The following VWC2L variants were observed in gnomAD, a reference collection of about 807,000 sequenced individuals.
VWC2L encodes von Willebrand factor C domain containing 2 like, also known as von Willebrand factor C domain-containing protein 2-like.
VWC2L carries 10 observed loss-of-function variants against 21.6 expected under a neutral mutation model. That is an observed-to-expected ratio of 0.46 (90% CI 0.29 to 0.78). The LOEUF is 0.78. Ranked by LOEUF, VWC2L falls within the 30% of genes least tolerant of loss-of-function variation. The probability of loss-of-function intolerance (pLI) is 0.10; values close to 1 mark genes in which losing one functional copy is unlikely to be tolerated. For synonymous variants in VWC2L, 96 were observed against 94.3 expected, an observed-to-expected ratio of 1.02 and a Z score of -0.10; for missense variants, 209 against 277.1, an observed-to-expected ratio of 0.75 and a Z score of 1.74.
At chr2:214,416,076 C>T (rs1238452625) in intron 2 of VWC2L, among the ~76,000 whole-genome samples, 2 of 151,982 alleles carry the variant, frequency 1.3e-5, no homozygotes, top group Admixed American at 1.3e-4. Context: ...CTTTTCTAAC[C>T]TGCATTTATA....
At chr2:214,493,094 T>C (rs2126201952) in intron 3 of VWC2L, among the ~76,000 whole-genome samples, 2 of 152,340 alleles carry the variant, frequency 1.3e-5, no homozygotes, top group South Asian at 4.1e-4. Flanking sequence ...CCTGCATATG[T>C]GAATCTGTCA....
intron 3 of VWC2L, among the ~76,000 whole-genome samples, chr2:214,520,866 TA>T (rs1208119082): frequency 6.6e-6 from 1 of 152,138 alleles, no homozygotes; most frequent in African/African-American, 2.4e-5. Flanking sequence ...GGTGGTAGAA[TA>T]ACAGATCAGT....
intron 3 of VWC2L, among the ~76,000 whole-genome samples, chr2:214,544,828 T>C (rs539082637): frequency 3.9e-5 from 6 of 152,308 alleles, no homozygotes; most frequent in Non-Finnish European, 7.3e-5. Flanking sequence ...GTAGATGCTA[T>C]TATTGTCCCA....
intron 3 of VWC2L, among the ~76,000 whole-genome samples, chr2:214,513,716 T>C (rs910560284): frequency 6.6e-6 from 1 of 152,210 alleles, no homozygotes; most frequent in African/African-American, 2.4e-5. Flanking sequence ...CTCTCCTTCA[T>C]AGAATAAATG....
At chr2:214,573,610 A>G (rs755489627) in intron 3 of VWC2L, among the ~76,000 whole-genome samples, 7 of 152,164 alleles carry the variant, frequency 4.6e-5, no homozygotes, top group Non-Finnish European at 1.0e-4. Flanking sequence ...TCTGTCAACA[A>G]CGGCCCCAGG....
intron 3 of VWC2L, among the ~76,000 whole-genome samples, chr2:214,486,357 A>G (rs955211848): frequency 2.2e-4 from 33 of 152,248 alleles, no homozygotes; most frequent in Admixed American, 2.0e-4. Flanking sequence ...CATGTGTAAC[A>G]GCGTGTTCTT....
intron 3 of VWC2L, among the ~76,000 whole-genome samples, chr2:214,575,244 C>A (rs1690211162): frequency 6.6e-6 from 1 of 152,042 alleles, no homozygotes; most frequent in African/African-American, 2.4e-5. Context: ...GTCTCATACC[C>A]ACCACAGGAA....
intron 3 of VWC2L, among the ~76,000 whole-genome samples, chr2:214,541,608 G>C (rs1254984694): frequency 6.6e-6 from 1 of 152,172 alleles, no homozygotes; most frequent in African/African-American, 2.4e-5. Flanking sequence ...GGCTAGGGTA[G>C]TTTTCATTTT....
chr2:214,524,236 TCA>T (rs766915765), intron 3 of VWC2L, among the ~76,000 whole-genome samples: 14 of 152,210 alleles, frequency 9.2e-5, no homozygotes, highest in Non-Finnish European at 1.9e-4. Flanking sequence ...TGCCAACCTC[TCA>T]GTTTTCTGTT....
chr2:214,518,876 T>A (rs7587988), intron 3 of VWC2L, among the ~76,000 whole-genome samples: 25,241 of 152,168 alleles, frequency 0.17, 2,238 homozygotes, highest in East Asian at 0.27. Flanking sequence ...ATAATTTACT[T>A]CTACAAAGCC....
intron 2 of VWC2L, among the ~76,000 whole-genome samples, chr2:214,421,016 G>A (rs1027413845): frequency 6.6e-6 from 1 of 152,132 alleles, no homozygotes; most frequent in African/African-American, 2.4e-5. Flanking sequence ...TTCTCAATGG[G>A]GGATTCCCAT....
intron 3 of VWC2L, among the ~76,000 whole-genome samples, chr2:214,493,439 G>A (rs544516763): frequency 6.6e-6 from 1 of 152,098 alleles, no homozygotes; most frequent in Non-Finnish European, 1.5e-5. Context: ...AGACCCAGAG[G>A]CTCACAAATA....
intron 3 of VWC2L, among the ~76,000 whole-genome samples, chr2:214,466,484 GCTT>G (rs775421622): frequency 4.4e-4 from 67 of 152,220 alleles, no homozygotes; most frequent in Admixed American, 1.0e-3. Flanking sequence ...ATTTCAGTAA[GCTT>G]CTTTGACCTG....
intron 2 of VWC2L, among the ~76,000 whole-genome samples, chr2:214,420,900 T>G (rs1250220848): frequency 6.6e-6 from 1 of 152,240 alleles, no homozygotes; most frequent in Non-Finnish European, 1.5e-5. Flanking sequence ...TTAAAAGGAA[T>G]GCCTTCCCCT....
chr2:214,433,442 G>A (rs961951363), intron 2 of VWC2L, among the ~76,000 whole-genome samples: 5 of 151,920 alleles, frequency 3.3e-5, no homozygotes, highest in African/African-American at 9.7e-5. Context: ...AAAAATGCTA[G>A]TAGAAATAAT....
intron 3 of VWC2L, among the ~76,000 whole-genome samples, chr2:214,567,734 A>T (rs1690090779): frequency 6.6e-6 from 1 of 152,178 alleles, no homozygotes; most frequent in African/African-American, 2.4e-5. Flanking sequence ...TCTGGGATGG[A>T]GCACAGAAAA....
intron 3 of VWC2L, among the ~76,000 whole-genome samples, chr2:214,458,067 C>A (rs1703083021): frequency 6.6e-6 from 1 of 151,996 alleles, no homozygotes. Context: ...GCAGTAAAAC[C>A]ATCAAGTCCT....
chr2:214,538,883 G>A (rs1442171182), intron 3 of VWC2L, among the ~76,000 whole-genome samples: 1 of 152,064 alleles, frequency 6.6e-6, no homozygotes, highest in Non-Finnish European at 1.5e-5. Flanking sequence ...AGTTCTCAGT[G>A]TTGTTTGAGA....
chr2:214,523,591 C>T lies in VWC2L; in HGVS notation c.521-52081C>T, dbSNP rs376999907. ...TGGTGGCTCATGCCTGTAATCCCAG[C>T]ACTTTGGGTGACCAAGGCAGGTAGA... On this transcript the variant is annotated intron_variant, in intron 3 of 3. Transcript: ENST00000312504. Among the ~76,000 whole-genome samples, 7 of 152,246 alleles carry T rather than the reference C, an allele frequency of 4.6e-5. No individual in the cohort carries two copies. In the East Asian group the frequency reaches 9.7e-4, roughly 21 times the overall value.
Sources: allele counts gnomAD v4.1 joint callset (sites outside exome capture counted in the v4.1 genomes callset), GRCh38; gene constraint gnomAD v4.1.1; transcripts MANE v1.5; gene names NCBI Gene and HGNC (gene_info 2026-07-23, HGNC 2026-07-21).